FHDC1: variants seen among roughly 807,000 people sequenced by gnomAD.
FHDC1 encodes the protein FH2 domain containing 1.
FHDC1 carries 25 observed loss-of-function variants against 52.6 expected under a neutral mutation model. That is an observed-to-expected ratio of 0.48 (90% CI 0.35 to 0.66). FHDC1 has a LOEUF of 0.66. FHDC1 is among the 30% of genes least tolerant of loss of function. FHDC1 has a pLI of 0.01. For synonymous variants in FHDC1, 616 were observed against 581.5 expected, an observed-to-expected ratio of 1.06 and a Z score of -0.85; for missense variants, 1,459 against 1,452.8, an observed-to-expected ratio of 1.00 and a Z score of -0.07.
intron 2 of FHDC1, among the ~76,000 whole-genome samples, chr4:152,953,172 T>C (rs1199588715): frequency 6.6e-6 from 1 of 152,046 alleles, no homozygotes; most frequent in African/African-American, 2.4e-5. Context: ...CATATCCCAC[T>C]AAACTCATAG....
chr4:152,976,298 T>G lies in FHDC1; in HGVS notation c.3007T>G (p.Cys1003Gly), dbSNP rs138094959. ...PRQKPEENKT[C>G]RAHSEGPESP... Reference sequence around the variant, plus strand: ...ACAGAAGCCTGAGGAAAATAAGACCTGCCGCGCCCACTCCGAGGGCCCTGA... The same window carrying G: ...ACAGAAGCCTGAGGAAAATAAGACCGGCCGCGCCCACTCCGAGGGCCCTGA... The change falls in exon 12 of 12, where the codon TGC becomes GGC. Residue 1003 changes from cysteine (C) to glycine (G), a missense_variant. Transcript: ENST00000511601. 17 of 1,613,298 alleles carry G rather than the reference T, an allele frequency of 1.1e-5. No individual in the cohort carries two copies. The African/African-American group carries it at 1.9e-4, about 18-fold the overall frequency.
At chr4:152,923,601 T>G in the FHDC1 span, among the ~76,000 whole-genome samples, 1 of 152,094 alleles carries the variant, frequency 6.6e-6, no homozygotes, top group African/African-American at 2.4e-5. Flanking sequence ...CTACCTGACT[T>G]CAAACTATAC....
chr4:152,923,946 G>A, the FHDC1 span, among the ~76,000 whole-genome samples: 31 of 152,240 alleles, frequency 2.0e-4, no homozygotes, highest in African/African-American at 7.2e-4. Flanking sequence ...CATAGGTATG[G>A]GCAAGGACTT....
the FHDC1 span, chr4:152,928,176 TCTTCCAAACCAATAC>T: frequency 1.2e-6 from 1 of 801,916 alleles, no homozygotes; most frequent in African/African-American, 1.7e-5. Flanking sequence ...GTCTCCTTTA[TCTTCCAAACCAATAC>T]CTTCCTTGAG....
chr4:152,937,330 C>G (rs369500291), intron 1 of FHDC1, among the ~76,000 whole-genome samples: 2 of 152,138 alleles, frequency 1.3e-5, no homozygotes, highest in Non-Finnish European at 2.9e-5. Context: ...GAAGACCCCC[C>G]CTTTCGTTTC....
At chr4:152,912,419 C>A in the FHDC1 span, 1 of 152,080 alleles carries the variant, frequency 6.6e-6, no homozygotes, top group African/African-American at 2.4e-5. Context: ...TTTGAATATC[C>A]TTTAATATAC....
At chr4:152,956,974 C>A (rs147352229) in intron 4 of FHDC1, among the ~76,000 whole-genome samples, 2 of 152,048 alleles carry the variant, frequency 1.3e-5, no homozygotes, top group African/African-American at 4.8e-5. Context: ...AAGCCGAAGC[C>A]GCTCCCTGAC....
chr4:152,924,588 C>T, the FHDC1 span, among the ~76,000 whole-genome samples: 2 of 151,984 alleles, frequency 1.3e-5, no homozygotes, highest in Admixed American at 6.5e-5. Flanking sequence ...CTATTCACAA[C>T]AGCAAAGACT....
rs1431015468 is a variant in FHDC1, at chr4:152,975,329, G to A, written c.2038G>A (p.Ala680Thr). 2 of 1,613,670 alleles carry A rather than the reference G, an allele frequency of 1.2e-6. No homozygotes were observed. Among genetic ancestry groups the A allele is most frequent in the East Asian group, 2.2e-5 (1 of 44,878 alleles). Residue 680 changes from alanine to threonine, a missense_variant, in exon 12 of 12, where the codon GCC becomes ACC. By Grantham distance (58) the Ala-to-Thr change is moderately conservative. Around this residue, in one of 3 missense-constraint regions of FHDC1, gnomAD observed 939 missense variants for 854.5 expected, o/e 1.10. Coordinates refer to ENST00000511601, the MANE Select transcript of FHDC1 (RefSeq NM_001371116.1). ...IKEHELVTGL[A>T]QFNLQGSQGM... ...GGAGCATGAGCTGGTGACAGGGCTG[G>A]CCCAGTTCAACCTCCAGGGTTCCCA...
At chr4:152,935,523 C>T (rs185868684), upstream of FHDC1, among the ~76,000 whole-genome samples, 90 of 152,294 alleles carry the variant, frequency 5.9e-4, no homozygotes, top group African/African-American at 2.1e-3. Flanking sequence ...CTTTCCCAGA[C>T]AGCGTGCGTT....
chr4:152,950,006 G>C (rs536182019), intron 2 of FHDC1, among the ~76,000 whole-genome samples: 2 of 152,162 alleles, frequency 1.3e-5, no homozygotes, highest in Non-Finnish European at 2.9e-5. Context: ...AGTAATTACC[G>C]GTTGATCGGA....
At chr4:152,947,327 G>A (rs1305129794) in intron 2 of FHDC1, among the ~76,000 whole-genome samples, 1 of 152,106 alleles carries the variant, frequency 6.6e-6, no homozygotes, top group African/African-American at 2.4e-5. Flanking sequence ...AGATATGATG[G>A]TATAATAATA....
At chr4:152,928,122 C>A in the FHDC1 span, 1 of 996,366 alleles carries the variant, frequency 1.0e-6, no homozygotes, top group South Asian at 1.3e-5. Flanking sequence ...AACTCTGAGT[C>A]CAGCGCAGAC....
At chr4:152,931,798 G>A (rs1467249071), upstream of FHDC1, among the ~76,000 whole-genome samples, 7 of 151,880 alleles carry the variant, frequency 4.6e-5, no homozygotes, top group East Asian at 5.8e-4. Context: ...GTAGCTGGGC[G>A]TGGTGGCATG....
At chr4:152,965,867 T>C (rs887921813) in intron 9 of FHDC1, among the ~76,000 whole-genome samples, 2 of 152,198 alleles carry the variant, frequency 1.3e-5, no homozygotes, top group Non-Finnish European at 2.9e-5. Flanking sequence ...CTGTGAACCA[T>C]ATGCATATAA....
intron 6 of FHDC1, among the ~76,000 whole-genome samples, chr4:152,961,339 C>G (rs1409028642): frequency 6.6e-6 from 1 of 152,206 alleles, no homozygotes; most frequent in Non-Finnish European, 1.5e-5. Flanking sequence ...CGTTTCTGTT[C>G]TGTGGTGTCG....
chr4:152,957,971 G>A (rs371453462), intron 4 of FHDC1, among the ~76,000 whole-genome samples: 5 of 152,194 alleles, frequency 3.3e-5, no homozygotes, highest in African/African-American at 7.2e-5. Context: ...GGTGCTAGAC[G>A]TGGTAGAAAC....
chr4:152,959,618 C>T (rs1049429780), intron 4 of FHDC1, among the ~76,000 whole-genome samples: 7 of 152,206 alleles, frequency 4.6e-5, no homozygotes, highest in South Asian at 2.1e-4. Flanking sequence ...CCAGGCTAGT[C>T]TTGAACTCCT....
chr4:152,943,727 G>C (rs977204564), intron 2 of FHDC1, among the ~76,000 whole-genome samples, 172 bp downstream of exon 2: 2 of 152,176 alleles, frequency 1.3e-5, no homozygotes, highest in Non-Finnish European at 2.9e-5. Context: ...GCTGAGTATT[G>C]AGAAAGCGTA....
Sources: allele counts gnomAD v4.1 joint callset (sites outside exome capture counted in the v4.1 genomes callset), GRCh38; gene constraint gnomAD v4.1.1; regional missense constraint gnomAD v4.1.1; transcripts MANE v1.5; gene names NCBI Gene and HGNC (gene_info 2026-07-23, HGNC 2026-07-21).